Variants in CRB2 observed in about 807,000 individuals in gnomAD.
CRB2 encodes crumbs cell polarity complex component 2.
A neutral mutation model predicts 110.9 loss-of-function variants in CRB2; 85 were observed. The ratio of observed to expected loss-of-function variants is 0.77; its 90% CI spans 0.64 to 0.92. The LOEUF (loss-of-function observed/expected upper bound fraction) is 0.92, where lower values mean the gene tolerates loss of function less well. CRB2 is among the 40% of genes least tolerant of loss of function. CRB2 has a pLI of 0.00. For synonymous variants in CRB2, 907 were observed against 831.0 expected (o/e 1.09, Z -1.57); for missense variants, 1,843 against 1,851.3 (o/e 1.00, Z 0.08).
At chr9:123,358,780 T>C (rs1342783814) in intron 1 of CRB2, among the ~76,000 whole-genome samples, 1 of 152,252 alleles carries the variant, frequency 6.6e-6, no homozygotes, top group Non-Finnish European at 1.5e-5. Context: ...GTCTCTTCTC[T>C]GTCTCTACAA....
At chr9:123,374,138 G>T in intron 10 of CRB2, 1 of 754,246 alleles carries the variant, frequency 1.3e-6, no homozygotes, top group Non-Finnish European at 2.2e-6. Flanking sequence ...CAGCGCTGTG[G>T]TCTGGGGCTG....
chr9:123,360,443 G>C (rs1299551783), intron 1 of CRB2, among the ~76,000 whole-genome samples: 1 of 152,082 alleles, frequency 6.6e-6, no homozygotes, highest in African/African-American at 2.4e-5. Context: ...CCTCCGCCCT[G>C]CTGCCCTCCA....
rs1564372110 is a variant in CRB2 at position 123,367,430 on chromosome 9, CCCCCCCCA to C, written c.940+86_940+93del. ...GAGGGATCTTGTGCCCACCCCCCCA[CCCCCCCCA>C]CCCCCCCACCCCACACCCCACACCC... is the stretch of plus-strand genomic sequence containing the variant. On this transcript the variant is annotated intron_variant, in intron 5 of 12. Transcript: ENST00000373631. 82 of 249,554 alleles carry C rather than the reference CCCCCCCCA, an allele frequency of 3.3e-4. 1 individual carries two copies. In the East Asian group the frequency reaches 4.7e-3, roughly 14 times the overall value. The allele number at this position is 249,554 out of a possible 1,614,324, so 15.5% of individuals were successfully genotyped here. A position where few individuals can be genotyped will look rare whatever the true frequency, so the allele number is the denominator to read the frequency against.
chr9:123,357,853 C>T (rs1272003567), intron 1 of CRB2, among the ~76,000 whole-genome samples: 2 of 152,264 alleles, frequency 1.3e-5, no homozygotes, highest in Admixed American at 1.3e-4. Flanking sequence ...TGTGCCTGCA[C>T]ACCAATGTGC....
intron 2 of CRB2, 72 bp downstream of exon 2, chr9:123,363,260 A>G (rs2041890539): frequency 6.8e-7 from 1 of 1,461,368 alleles, no homozygotes; most frequent in Non-Finnish European, 9.2e-7. Flanking sequence ...TGTAAGCATC[A>G]TGGCTTCAGC....
intron 1 of CRB2, among the ~76,000 whole-genome samples, chr9:123,361,226 G>A (rs1290947456): frequency 1.3e-5 from 2 of 152,060 alleles, no homozygotes; most frequent in Admixed American, 1.3e-4. Flanking sequence ...GCTGGCAGCC[G>A]GGGCCCTTTA....
rs1255616427 is a variant in CRB2, at chr9:123,378,167, C to T, written c.*1105C>T. On this transcript the variant is annotated 3_prime_UTR_variant, in exon 13 of 13. Coordinates refer to ENST00000373631, the MANE Select transcript of CRB2 (RefSeq NM_173689.7). ...AGCCCTCTGGGTTGTCTGCTGAGTA[C>T]AGGGGCTCAGTGAACACTGGCGCTG... 1 of 152,310 alleles carries T rather than the reference C, an allele frequency of 6.6e-6. No homozygotes were observed. Among genetic ancestry groups the T allele is most frequent in the Non-Finnish European group, 1.5e-5 (1 of 68,094 alleles). The allele number at this position is 152,310 out of a possible 1,614,324, so 9.4% of individuals were successfully genotyped here. A position where few individuals can be genotyped will look rare whatever the true frequency, so the allele number is the denominator to read the frequency against.
rs1225230645 is a variant in CRB2, at chr9:123,367,688, T to G, written c.1054+2T>G. Reference sequence around the variant, plus strand: ...GTCACTGCCCAGATGGCTACGCAGGTGTCTGGGGTGGGGTGGGCCCTGGGA... The same window carrying G: ...GTCACTGCCCAGATGGCTACGCAGGGGTCTGGGGTGGGGTGGGCCCTGGGA... On this transcript the variant is annotated splice_donor_variant, in intron 6 of 12. Coordinates refer to ENST00000373631, the MANE Select transcript of CRB2 (RefSeq NM_173689.7). LOFTEE classifies it high-confidence loss of function. 2.6e-6 allele frequency: 4 copies of G among 1,544,170 alleles called. No individual in the cohort carries two copies. The African/African-American group carries it at 4.1e-5, about 16-fold the overall frequency.
At chr9:123,360,414 G>A (rs111642472) in intron 1 of CRB2, among the ~76,000 whole-genome samples, 7 of 152,266 alleles carry the variant, frequency 4.6e-5, no homozygotes, top group African/African-American at 1.7e-4. Context: ...GCCTGGCCCG[G>A]GAAGGGGGGA....
chr9:123,371,399 GCTGCCGA>G lies in CRB2; in HGVS notation c.2259_2265del (p.Asp755SerfsTer384). On this transcript the variant is annotated frameshift_variant, in exon 8 of 13. Transcript: ENST00000373631. LOFTEE classifies it high-confidence loss of function. ...CGTGCACGTGGGTGGGAGGCTCCTT[GCTGCCGA>G]CAGCCAGCCCTGGGGTGGGCCCTTC... 6.2e-7 allele frequency: 1 copy of G among 1,608,978 alleles called. No individual in the cohort carries two copies. Among genetic ancestry groups the G allele is most frequent in the Non-Finnish European group, 8.5e-7 (1 of 1,177,484 alleles).
intron 4 of CRB2, among the ~76,000 whole-genome samples, chr9:123,366,823 T>C (rs777583856): frequency 6.6e-6 from 1 of 151,860 alleles, no homozygotes; most frequent in Non-Finnish European, 1.5e-5. Flanking sequence ...TGGTGGCATG[T>C]ACCTGTAGTC....
chr9:123,360,555 C>T (rs908222656), intron 1 of CRB2, among the ~76,000 whole-genome samples: 3 of 152,214 alleles, frequency 2.0e-5, no homozygotes, highest in Non-Finnish European at 4.4e-5. Context: ...GGTTCCCACA[C>T]CTAAAAGTGA....
chr9:123,367,029 C>A, intron 4 of CRB2, 143 bp from the exon 5 acceptor site: 2 of 743,766 alleles, frequency 2.7e-6, no homozygotes, highest in East Asian at 2.9e-5. Context: ...GTCATTCCTG[C>A]GGCCCTTAGT....
chr9:123,371,121 T>G lies in CRB2; in HGVS notation c.1979T>G (p.Phe660Cys). 6.2e-7 allele frequency: 1 copy of G among 1,613,500 alleles called. No individual in the cohort carries two copies. The highest frequency in any genetic ancestry group is 8.5e-7 in the Non-Finnish European group (1 of 1,180,006). ...GLGGAPSSAS[F>C]LLQELPGPNL... ...GGAGGCGCCCCAAGCTCTGCCTCCT[T>G]TCTGCTCCAAGAGCTGCCAGGTCCC... Residue 660 changes from phenylalanine (F) to cysteine (C), a missense_variant, in exon 8 of 13, where the codon TTT (phenylalanine) becomes TGT (cysteine). Physicochemically the swap from Phe to Cys is radical, Grantham distance 205. Transcript: ENST00000373631.
Position 123,378,509 on chromosome 9 carries a change from G to C in CRB2, c.*1447G>C, listed in dbSNP as rs1195994792. 1 of 152,280 alleles carries C rather than the reference G, an allele frequency of 6.6e-6. No individual in the cohort carries two copies. Among genetic ancestry groups the C allele is most frequent in the African/African-American group, 2.4e-5 (1 of 41,460 alleles). 9.4% of individuals were successfully genotyped at this position (152,280 alleles called of 1,614,324 possible). On this transcript the variant is annotated 3_prime_UTR_variant, in exon 13 of 13. Coordinates refer to ENST00000373631, the MANE Select transcript of CRB2 (RefSeq NM_173689.7). ...TGACAACGTGGGGGACTGGGACATG[G>C]GACTGGGAAGTCAGCAGACGCTGGG...
Position 123,373,932 on chromosome 9 carries a change from GGGCA to G in CRB2, c.3389+15_3389+18del, listed in dbSNP as rs1329595690. On this transcript the variant is annotated intron_variant, in intron 10 of 12. Coordinates refer to ENST00000373631, the MANE Select transcript of CRB2 (RefSeq NM_173689.7). Reference sequence around the variant, plus strand: ...GGCCCGCGCTGCAGGTGGGATGGCTGGGCAGGGGGGTGGGCTGCGAATGCCCCCT... The same window carrying G: ...GGCCCGCGCTGCAGGTGGGATGGCTGGGGGGGTGGGCTGCGAATGCCCCCT... The G allele has an allele frequency of 1.3e-6, 2 of 1,549,612 alleles. No individual in the cohort carries two copies. Among genetic ancestry groups the G allele is most frequent in the East Asian group, 4.9e-5 (2 of 40,942 alleles).
Position 123,375,206 on chromosome 9 carries a change from T to G in CRB2, c.3507-11T>G, listed in dbSNP as rs202008075. ...GGGGAAGCCGCTTTCTCAGCCCCCCTCCCTCTCCAGGTGTCAGGTCCCCAC... is the reference window on the plus strand; with the variant it reads ...GGGGAAGCCGCTTTCTCAGCCCCCCGCCCTCTCCAGGTGTCAGGTCCCCAC... On this transcript the variant is annotated splice_polypyrimidine_tract_variant and intron_variant, in intron 11 of 12. Transcript: ENST00000373631. 5.6e-6 allele frequency: 9 copies of G among 1,611,910 alleles called. No individual in the cohort carries two copies. In the Admixed American group the frequency reaches 1.0e-4, roughly 18 times the overall value.
At position 123,370,109 on chromosome 9, in the gene CRB2, G is replaced by A. The variant is rs1279258336; in HGVS notation, c.1056G>A (p.Gly352=). 1.3e-6 allele frequency: 2 copies of A among 1,578,356 alleles called. No homozygotes were observed. Among genetic ancestry groups the A allele is most frequent in the Non-Finnish European group, 8.6e-7 (1 of 1,159,970 alleles). Residue 352 remains glycine (G), a splice_region_variant and synonymous_variant, in exon 7 of 13, where the codon GGG becomes GGA. Coordinates refer to ENST00000373631, the MANE Select transcript of CRB2 (RefSeq NM_173689.7). ...FQCHCPDGYA[G]PTCEEDVDEC... ...ACCTTGGCTTTGTCTCTCCCAAAGG[G>A]CCGACATGTGAGGAAGATGTGGATG...
chr9:123,373,475 AC>A lies in CRB2; in HGVS notation c.2948del (p.Pro983ArgfsTer158). The A allele has an allele frequency of 2.1e-6, 3 of 1,451,128 alleles. No homozygotes were observed. The highest frequency in any genetic ancestry group is 1.4e-5 in the South Asian group (1 of 73,724). 89.9% of individuals were successfully genotyped at this position (1,451,128 alleles called of 1,614,324 possible). On this transcript the variant is annotated frameshift_variant, in exon 10 of 13. Transcript: ENST00000373631. LOFTEE classifies it high-confidence loss of function. Reference sequence around the variant, plus strand: ...GCTGCTGTGGCTGGATGGTGCCGCCACCCCGGTGGCGCTGCGCGGCCTGGCC... The same window carrying A: ...GCTGCTGTGGCTGGATGGTGCCGCCACCCGGTGGCGCTGCGCGGCCTGGCC... ...RWLLWLDGAA[T>X]PVALRGLASD...
Sources: gnomAD v4.1 joint callset for allele counts (sites outside exome capture counted in the v4.1 genomes callset) on GRCh38, gnomAD v4.1.1 for gene constraint, MANE v1.5 for transcripts, NCBI Gene and HGNC (gene_info 2026-07-23, HGNC 2026-07-21) for gene names.